GART: variants seen among roughly 807,000 people sequenced by gnomAD.
The protein encoded by GART is trifunctional purine biosynthetic protein adenosine-3.
GART carries 43 observed loss-of-function variants against 107.2 expected under a neutral mutation model. That is an observed-to-expected ratio of 0.40 (90% CI 0.31 to 0.52). The LOEUF (loss-of-function observed/expected upper bound fraction) is 0.52. Among genes scored for constraint, GART ranks in the 20% least tolerant of loss-of-function variants. The pLI is 0.52. For synonymous variants in GART, 434 were observed against 427.0 expected (o/e 1.02, Z -0.20); for missense variants, 1,107 against 1,206.5 (o/e 0.92, Z 1.22).
chr21:33,516,884 T>A, intron 16 of GART, 105 bp downstream of exon 16: 1 of 986,842 alleles, frequency 1.0e-6, no homozygotes, highest in South Asian at 1.9e-5. Flanking sequence ...GATTAAGAAT[T>A]TTCCATGTGT....
chr21:33,530,654 T>A, intron 7 of GART, 105 bp downstream of exon 7: 1 of 1,152,436 alleles, frequency 8.7e-7, no homozygotes, highest in Non-Finnish European at 1.1e-6. Flanking sequence ...ACATAATTCA[T>A]AGCAACAAAC....
intron 6 of GART, 107 bp downstream of exon 6, chr21:33,531,382 A>C: frequency 1.1e-6 from 1 of 931,318 alleles, no homozygotes; most frequent in East Asian, 2.5e-5. Flanking sequence ...TGCTGGGTTT[A>C]TGTTTTTAGA....
Position 33,528,287 on chromosome 21 carries a change from T to G in GART, c.946A>C (p.Thr316Pro). The G allele has an allele frequency of 6.2e-7, 1 of 1,614,050 alleles. No individual in the cohort carries two copies. The highest frequency in any genetic ancestry group is 8.5e-7 in the Non-Finnish European group (1 of 1,179,982). Residue 316 changes from threonine (T) to proline (P), a missense_variant, in exon 10 of 22, where the codon ACC becomes CCC. Coordinates refer to ENST00000381815, the MANE Select transcript of GART (RefSeq NM_000819.5). ...GATGTGCAGAGCAGTCCATCTAAGG[T>G]GGACTGAATCACTTCATAAAGATCA... ...KSDLYEVIQS[T>P]LDGLLCTSLP...
rs2084888959 is a variant in GART, at chr21:33,516,890, T to A, written c.2107+99A>T. The A allele has an allele frequency of 7.9e-6, 8 of 1,010,046 alleles. No homozygotes were observed. In the South Asian group the frequency reaches 1.3e-4, roughly 16 times the overall value. 62.6% of individuals were successfully genotyped at this position (1,010,046 alleles called of 1,614,324 possible). ...ACCCCCAATGATTAAGAATTTTCCATGTGTAATCATGTGTACATTAACTAC... is the reference window on the plus strand; with the variant it reads ...ACCCCCAATGATTAAGAATTTTCCAAGTGTAATCATGTGTACATTAACTAC... On this transcript the variant is annotated intron_variant, in intron 16 of 21. Transcript: ENST00000381815.
At chr21:33,536,121 A>T (rs952293771) in intron 2 of GART, among the ~76,000 whole-genome samples, 1 of 152,202 alleles carries the variant, frequency 6.6e-6, no homozygotes, top group Non-Finnish European at 1.5e-5. Context: ...ATAAACATAC[A>T]AACAAAAAAA....
Position 33,528,900 on chromosome 21 carries a change from A to G in GART, c.761T>C (p.Val254Ala). The part of the protein sequence containing the change: ...NDLLLKIKDT[V>A]LQRTVDGMQQ... ...CATGCCATCCACTGTCCTCTGAAGA[A>G]CAGTATCTTTAATTTTTAGTAATAG... The change falls in exon 8 of 22, where the codon GTT becomes GCT. Residue 254 changes from valine (V) to alanine (A), a missense_variant. Val to Ala is a moderately conservative substitution (Grantham distance 64). Transcript: ENST00000381815. 1.9e-6 allele frequency: 3 copies of G among 1,613,568 alleles called. No homozygotes were observed. The highest frequency in any genetic ancestry group is 2.5e-6 in the Non-Finnish European group (3 of 1,179,522).
At chr21:33,530,511 G>C (rs1254885337) in intron 7 of GART, among the ~76,000 whole-genome samples, 1 of 152,210 alleles carries the variant, frequency 6.6e-6, no homozygotes, top group Non-Finnish European at 1.5e-5. Flanking sequence ...CTGCAGAGAG[G>C]AGGGAATAGG....
At position 33,530,728 on chromosome 21, in the gene GART, A is replaced by G. The variant is rs1187438021; in HGVS notation, c.723+31T>C. The stretch of plus-strand genomic sequence containing the variant: ...AGTTCTCTGAGAAAACCAAACTACT[A>G]CAAGACTTCAGCAGAGTCTTCGGGA... On this transcript the variant is annotated intron_variant, in intron 7 of 21. Coordinates refer to ENST00000381815, the MANE Select transcript of GART (RefSeq NM_000819.5). 4 of 1,384,338 alleles carry G rather than the reference A, an allele frequency of 2.9e-6. No homozygotes were observed. In the South Asian group the frequency reaches 7.9e-5, roughly 27 times the overall value. The allele number at this position is 1,384,338 out of a possible 1,614,324, so 85.8% of individuals were successfully genotyped here.
intron 11 of GART, 32 bp downstream of exon 11, chr21:33,524,737 T>G: frequency 6.2e-7 from 1 of 1,613,562 alleles, no homozygotes; most frequent in Non-Finnish European, 8.5e-7. Context: ...GTTTCTGAAA[T>G]GGCACTACAG....
intron 10 of GART, among the ~76,000 whole-genome samples, chr21:33,526,046 T>C (rs1297097398): frequency 6.6e-6 from 1 of 151,768 alleles, no homozygotes; most frequent in African/African-American, 2.4e-5. Context: ...ATTTTTTGTA[T>C]TTTTAGTAGA....
chr21:33,504,579 T>C, intron 20 of GART, 52 bp from the exon 21 acceptor site: 3 of 1,294,070 alleles, frequency 2.3e-6, no homozygotes, highest in Non-Finnish European at 3.3e-6. Context: ...CTGGGTATTC[T>C]GTTAAAGGAA....
chr21:33,542,767 C>G, upstream of GART: 2 of 357,910 alleles, frequency 5.6e-6, no homozygotes, highest in East Asian at 1.1e-4. Flanking sequence ...GGCTCCCAAA[C>G]ACTGCTGGGG....
chr21:33,531,872 C>T (rs1055216407), intron 5 of GART: 14 of 301,824 alleles, frequency 4.6e-5, no homozygotes, highest in African/African-American at 1.1e-4. Flanking sequence ...TCCTTACTTC[C>T]GATTATAATT....
intron 4 of GART, among the ~76,000 whole-genome samples, chr21:33,533,424 G>GA (rs1199501114): frequency 1.5e-5 from 2 of 130,718 alleles, no homozygotes; most frequent in Admixed American, 1.7e-4. Flanking sequence ...CGGCCTGGGT[G>GA]AAAGAACGAG....
chr21:33,536,028 G>A (rs1481825787), intron 2 of GART, among the ~76,000 whole-genome samples: 1 of 150,200 alleles, frequency 6.7e-6, no homozygotes, highest in Admixed American at 6.7e-5. Context: ...ACGAAACTCT[G>A]TCTCAAAAAA....
Position 33,534,607 on chromosome 21 carries a change from G to C in GART, c.388C>G (p.Pro130Ala). 1.2e-6 allele frequency: 2 copies of C among 1,614,142 alleles called. No individual in the cohort carries two copies. The highest frequency in any genetic ancestry group is 1.7e-6 in the Non-Finnish European group (2 of 1,180,016). Residue 130 changes from proline to alanine, a missense_variant, in exon 4 of 22, where the codon CCT (proline) becomes GCT (alanine). Transcript: ENST00000381815. ...PTAQWKAFTK[P>A]EEACSFILSA... ...AAAATGAAGCTGCAGGCTTCTTCAG[G>C]TTTGGTGAAAGCCTTCCATTGTGCG... is the stretch of plus-strand genomic sequence containing the variant.
intron 4 of GART, 99 bp from the exon 5 acceptor site, chr21:33,532,555 G>A: frequency 1.2e-6 from 1 of 837,292 alleles, no homozygotes; most frequent in Non-Finnish European, 1.9e-6. Context: ...AGCAATGACT[G>A]AAAAGCAGAA....
At chr21:33,514,712 T>C (rs2084845849) in intron 16 of GART, among the ~76,000 whole-genome samples, 1 of 152,204 alleles carries the variant, frequency 6.6e-6, no homozygotes, top group Admixed American at 6.5e-5. Context: ...ACCCAAGGAA[T>C]GTCTTGAACC....
At position 33,514,440 on chromosome 21, in the gene GART, C is replaced by T. The variant is rs145248406; in HGVS notation, c.2107+2549G>A. Among the ~76,000 whole-genome samples, 1,248 of 152,256 alleles carry T rather than the reference C, an allele frequency of 8.2e-3. 50 individuals are homozygous for T. The highest frequency in any genetic ancestry group is 0.065 in the Admixed American group (996 of 15,286). On this transcript the variant is annotated intron_variant, in intron 16 of 21. Transcript: ENST00000381815. ...ACTGCTTTCAGGAATATGGCTATAT[C>T]ACTTTCAGTTTCTTAATGAGGTGAC...
Sources: gnomAD v4.1 joint callset for allele counts (sites outside exome capture counted in the v4.1 genomes callset) on GRCh38, gnomAD v4.1.1 for gene constraint, MANE v1.5 for transcripts, NCBI Gene and HGNC (gene_info 2026-07-23, HGNC 2026-07-21) for gene names.